Variants in LARGE1 observed in about 807,000 individuals in gnomAD.
LARGE1 encodes the protein xylosyl- and glucuronyltransferase LARGE1.
LARGE1 carries 43 observed loss-of-function variants against 87.6 expected under a neutral mutation model. The observed-to-expected ratio is 0.49, with a 90% confidence interval of 0.38 to 0.63. The LOEUF (loss-of-function observed/expected upper bound fraction) is 0.63. Ranked by LOEUF, LARGE1 falls within the 30% of genes least tolerant of loss-of-function variation. The probability of loss-of-function intolerance (pLI) is 0.00; values close to 1 mark genes in which losing one functional copy is unlikely to be tolerated. For missense variants in LARGE1, 802 were observed against 1,000.2 expected, an observed-to-expected ratio of 0.80 and a Z score of 2.67; for synonymous variants, 434 against 394.6, an observed-to-expected ratio of 1.10 and a Z score of -1.18.
At chr22:33,076,447 ATTT>A in the LARGE1 span, among the ~76,000 whole-genome samples, 913 of 152,222 alleles carry the variant, frequency 6.0e-3, 4 homozygotes, top group African/African-American at 0.021. Context: ...GTGTTTTGTA[ATTT>A]CTAGGATTCT....
chr22:33,122,735 G>A, the LARGE1 span, among the ~76,000 whole-genome samples: 12 of 152,266 alleles, frequency 7.9e-5, no homozygotes, highest in African/African-American at 2.9e-4. Flanking sequence ...AAAGGACATG[G>A]CCAATTTAAC....
downstream of LARGE1, among the ~76,000 whole-genome samples, chr22:33,267,954 T>C (rs1197336388): frequency 6.9e-6 from 1 of 145,314 alleles, no homozygotes; most frequent in Non-Finnish European, 1.5e-5. Flanking sequence ...ATGGCAAAAT[T>C]CAAGAATTTT....
chr22:33,112,256 G>A, the LARGE1 span, among the ~76,000 whole-genome samples: 1 of 152,226 alleles, frequency 6.6e-6, no homozygotes, highest in Non-Finnish European at 1.5e-5. Flanking sequence ...GTGGATGGCT[G>A]TGCCACTTGC....
At chr22:33,870,385 C>A (rs1344219451) in intron 1 of LARGE1, among the ~76,000 whole-genome samples, 1 of 152,190 alleles carries the variant, frequency 6.6e-6, no homozygotes, top group Non-Finnish European at 1.5e-5. Context: ...GTCCTCACCA[C>A]AATTCTATGA....
intron 1 of LARGE1, among the ~76,000 whole-genome samples, chr22:33,785,705 G>A (rs989853379): frequency 6.6e-6 from 1 of 152,158 alleles, no homozygotes; most frequent in Non-Finnish European, 1.5e-5. Context: ...CAAACAAAAT[G>A]AGTTTGTCTG....
At chr22:33,706,851 G>A (rs576143404) in intron 2 of LARGE1, among the ~76,000 whole-genome samples, 78 of 152,292 alleles carry the variant, frequency 5.1e-4, no homozygotes, top group South Asian at 1.0e-3. Flanking sequence ...AACCACTGCA[G>A]AATGAAACAG....
intron 7 of LARGE1, among the ~76,000 whole-genome samples, chr22:33,406,226 G>C (rs936427646): frequency 6.6e-6 from 1 of 151,988 alleles, no homozygotes; most frequent in South Asian, 2.1e-4. Flanking sequence ...TCTTCCCGCC[G>C]TGTATACCCA....
chr22:33,519,225 C>T (rs1010475209), intron 6 of LARGE1, among the ~76,000 whole-genome samples: 13 of 120,556 alleles, frequency 1.1e-4, no homozygotes, highest in African/African-American at 3.1e-4. Context: ...GAGCTGCGTG[C>T]GTGCGCGCGC....
rs542534623 is a variant in LARGE1 at position 33,367,473 on chromosome 22, G to A, written c.1131+14446C>T. On this transcript the variant is annotated intron_variant, in intron 9 of 14. Coordinates refer to ENST00000397394, the MANE Select transcript of LARGE1 (RefSeq NM_133642.5). ...CATTCTGTTACCCAGGCTGTAGTACGGTGGTGCAATCACAGTTTACTGCAG... is the reference window on the plus strand; with the variant it reads ...CATTCTGTTACCCAGGCTGTAGTACAGTGGTGCAATCACAGTTTACTGCAG... Among the ~76,000 whole-genome samples the A allele has an allele frequency of 1.9e-3, 296 of 152,196 alleles. 2 individuals carry two copies. Among genetic ancestry groups the A allele is most frequent in the African/African-American group, 6.6e-3 (272 of 41,516 alleles).
chr22:33,697,726 C>T (rs541539925), intron 2 of LARGE1, among the ~76,000 whole-genome samples: 1 of 152,248 alleles, frequency 6.6e-6, no homozygotes, highest in South Asian at 2.1e-4. Context: ...TTTCTCTCAA[C>T]AATGTTCTTC....
intron 1 of LARGE1, among the ~76,000 whole-genome samples, chr22:33,809,893 CAAAA>C (rs1307585925): frequency 1.3e-5 from 2 of 149,652 alleles, no homozygotes; most frequent in Admixed American, 1.3e-4. Flanking sequence ...AAAAAAAAAA[CAAAA>C]AAACTTTACA....
intron 1 of LARGE1, among the ~76,000 whole-genome samples, chr22:33,765,707 C>CAAAAA (rs33943950): frequency 2.4e-3 from 164 of 68,836 alleles, no homozygotes; most frequent in African/African-American, 3.4e-3. Context: ...CTCCATCTCA[C>CAAAAA]AAAAAAAAAA....
chr22:33,328,580 A>AAAC (rs1937441849), intron 10 of LARGE1, among the ~76,000 whole-genome samples: 1 of 146,424 alleles, frequency 6.8e-6, no homozygotes, highest in Admixed American at 6.8e-5. Context: ...CTCTCTCTCA[A>AAAC]AATAATAATA....
chr22:33,754,254 C>G (rs7291673), intron 2 of LARGE1, among the ~76,000 whole-genome samples: 6,181 of 152,250 alleles, frequency 0.041, 417 homozygotes, highest in African/African-American at 0.14. Flanking sequence ...TTCAGAGCAG[C>G]CCACTTGCAT....
intron 4 of LARGE1, among the ~76,000 whole-genome samples, chr22:33,615,671 C>A (rs199879956): frequency 8.6e-3 from 1,151 of 133,456 alleles, no homozygotes; most frequent in Middle Eastern, 0.019. Flanking sequence ...TAAGGAAAAA[C>A]AAAAAAAAAA....
intron 11 of LARGE1, among the ~76,000 whole-genome samples, chr22:33,262,887 C>T (rs1927720298): frequency 6.6e-6 from 1 of 150,518 alleles, no homozygotes; most frequent in Non-Finnish European, 1.5e-5. Flanking sequence ...CTCCGCTCGC[C>T]TCCCCTCCCC....
intron 9 of LARGE1, among the ~76,000 whole-genome samples, chr22:33,380,896 A>G (rs9607038): frequency 0.087 from 13,281 of 152,248 alleles, 718 homozygotes; most frequent in Admixed American, 0.19. Context: ...GTTCTGTTGA[A>G]TAGTTGTGGT....
chr22:33,785,096 CATGTGT>C lies in LARGE1; in HGVS notation c.-82-23544_-82-23539del, dbSNP rs2085574489. 1.5e-4 allele frequency among the ~76,000 whole-genome samples: 19 copies of C among 125,402 alleles called. 3 individuals carry two copies. The highest frequency in any genetic ancestry group is 5.1e-5 in the Non-Finnish European group (3 of 59,248). 82.3% of individuals were successfully genotyped at this position (125,402 alleles called of 152,430 possible). A position where few individuals can be genotyped will look rare whatever the true frequency, so the allele number is the denominator to read the frequency against. ...GTGTATACATACATATGTGTATATACATGTGTATACATACATATGTGTATATGCATA... is the reference window on the plus strand; with the variant it reads ...GTGTATACATACATATGTGTATATACATACATACATATGTGTATATGCATA... On this transcript the variant is annotated intron_variant, in intron 1 of 14. Transcript: ENST00000397394.
At chr22:33,702,283 C>T (rs966160891) in intron 2 of LARGE1, among the ~76,000 whole-genome samples, 12 of 152,162 alleles carry the variant, frequency 7.9e-5, no homozygotes, top group Admixed American at 2.0e-4. Context: ...CTGACCTCTG[C>T]GCCTTAATTT....
Sources: gnomAD v4.1 joint callset for allele counts (sites outside exome capture counted in the v4.1 genomes callset) on GRCh38, gnomAD v4.1.1 for gene constraint, MANE v1.5 for transcripts, NCBI Gene and HGNC (gene_info 2026-07-23, HGNC 2026-07-21) for gene names.